CD96: variants seen among roughly 807,000 people sequenced by gnomAD.
CD96 encodes the protein CD96 molecule.
In CD96, 70 loss-of-function variants were observed where a neutral mutation model predicts 71.3. The observed-to-expected ratio is 0.98, with a 90% CI of 0.81 to 1.20. The LOEUF (loss-of-function observed/expected upper bound fraction) is 1.20, where lower values mean the gene tolerates loss of function less well. Ranked by LOEUF, CD96 falls within the 50% of genes most tolerant of loss-of-function variation. The probability of loss-of-function intolerance (pLI) is 0.00; values close to 1 mark genes in which losing one functional copy is unlikely to be tolerated. For synonymous variants in CD96, 248 were observed against 233.0 expected, an observed-to-expected ratio of 1.06 and a Z score of -0.59; for missense variants, 742 against 677.5, an observed-to-expected ratio of 1.10 and a Z score of -1.06.
At position 111,613,921 on chromosome 3, in the gene CD96, C is replaced by T. The variant is rs549308505; in HGVS notation, c.1180+7129C>T. On this transcript the variant is annotated intron_variant, in intron 8 of 13. Coordinates refer to ENST00000352690, the MANE Select transcript of CD96 (RefSeq NM_005816.5). ...ACTTGGTTGATTAAATAAGCTAAAC[C>T]GGTAGGTTAGCAAAGAATAATTTTT... 8.1e-4 allele frequency among the ~76,000 whole-genome samples: 123 copies of T among 152,202 alleles called. 1 individual carries two copies. The highest frequency in any genetic ancestry group is 2.7e-3 in the African/African-American group (114 of 41,518).
chr3:111,623,708 G>A (rs532382504), intron 8 of CD96, 46 bp from the exon 9 acceptor site: 21 of 1,186,356 alleles, frequency 1.8e-5, no homozygotes, highest in South Asian at 1.7e-4. Flanking sequence ...TTAAACATAC[G>A]AATGTAAATA....
intron 14 of CD96, among the ~76,000 whole-genome samples, chr3:111,664,061 T>C (rs183660978): frequency 2.0e-5 from 3 of 152,320 alleles, no homozygotes; most frequent in African/African-American, 7.2e-5. Context: ...CTTATACACT[T>C]CTGGTGGGAA....
intron 3 of CD96, chr3:111,571,179 G>C: frequency 3.5e-6 from 2 of 564,738 alleles, no homozygotes; most frequent in East Asian, 5.6e-5. Context: ...TTCTTGCCTG[G>C]AGTAAGAGTT....
chr3:111,564,660 C>T (rs1559723123), intron 2 of CD96, among the ~76,000 whole-genome samples: 2 of 152,016 alleles, frequency 1.3e-5, no homozygotes, highest in Non-Finnish European at 2.9e-5. Context: ...AATATGCTCT[C>T]ATTGTTGTAG....
intron 3 of CD96, among the ~76,000 whole-genome samples, chr3:111,568,748 C>T (rs1196040296): frequency 6.6e-6 from 1 of 152,072 alleles, no homozygotes; most frequent in African/African-American, 2.4e-5. Flanking sequence ...ACAAAATCAA[C>T]ATGAGGATAA....
chr3:111,626,255 C>G (rs1377261613), intron 10 of CD96, among the ~76,000 whole-genome samples: 1 of 125,246 alleles, frequency 8.0e-6, no homozygotes, highest in Non-Finnish European at 1.6e-5. Flanking sequence ...GAGCCAAGAT[C>G]GAGATTGCGC....
At chr3:111,607,822 A>G (rs1937696972) in intron 8 of CD96, among the ~76,000 whole-genome samples, 1 of 152,000 alleles carries the variant, frequency 6.6e-6, no homozygotes, top group African/African-American at 2.4e-5. Context: ...ATGTTTTGTA[A>G]TTTTTCTTTT....
chr3:111,552,160 ATTTG>A (rs1280888794), intron 2 of CD96, among the ~76,000 whole-genome samples: 1 of 151,802 alleles, frequency 6.6e-6, no homozygotes, highest in East Asian at 1.9e-4. Flanking sequence ...TTTCTTGTAA[ATTTG>A]TTTAAGTTCC....
intron 3 of CD96, among the ~76,000 whole-genome samples, chr3:111,576,974 C>T (rs149139101): frequency 9.9e-5 from 15 of 152,200 alleles, no homozygotes; most frequent in East Asian, 7.7e-4. Flanking sequence ...TTGTAGGTTA[C>T]GGGGCATTCT....
chr3:111,634,449 A>G (rs1559769588), intron 10 of CD96: 1 of 152,724 alleles, frequency 6.5e-6, no homozygotes, highest in Non-Finnish European at 1.5e-5. Context: ...AGAGAAGTTT[A>G]TCAGTCAAGC....
chr3:111,547,424 T>A (rs149353243), intron 2 of CD96, among the ~76,000 whole-genome samples: 1,973 of 151,878 alleles, frequency 0.013, 16 homozygotes, highest in Middle Eastern at 0.038. Flanking sequence ...TAGTTTTTTT[T>A]GTACATTCTG....
At chr3:111,585,271 G>A in intron 4 of CD96, 52 bp from the exon 5 acceptor site, 1 of 1,050,390 alleles carries the variant, frequency 9.5e-7, no homozygotes, top group Non-Finnish European at 1.5e-6. Context: ...CACACTAGTG[G>A]CCAGGTAGGA....
chr3:111,617,179 T>G (rs905695964), intron 8 of CD96, among the ~76,000 whole-genome samples: 1 of 152,192 alleles, frequency 6.6e-6, no homozygotes, highest in Non-Finnish European at 1.5e-5. Context: ...AGGTGCCATT[T>G]GGTGCAAACA....
At chr3:111,562,182 G>A (rs1308752866) in intron 2 of CD96, among the ~76,000 whole-genome samples, 1 of 152,200 alleles carries the variant, frequency 6.6e-6, no homozygotes, top group African/African-American at 2.4e-5. Context: ...CGTCGCTCAC[G>A]TTGGGAGCTG....
At chr3:111,596,917 C>A (rs1359496686) in intron 5 of CD96, among the ~76,000 whole-genome samples, 4 of 152,144 alleles carry the variant, frequency 2.6e-5, no homozygotes, top group Non-Finnish European at 4.4e-5. Flanking sequence ...GCTAGACAAC[C>A]CCCTCTGAAA....
intron 2 of CD96, among the ~76,000 whole-genome samples, chr3:111,550,538 TA>T (rs1934645691): frequency 6.6e-6 from 1 of 151,706 alleles, no homozygotes; most frequent in Admixed American, 6.6e-5. Context: ...CCAAGGTTTC[TA>T]AGAAAATGGG....
At chr3:111,574,110 G>C (rs2107568477) in intron 3 of CD96, among the ~76,000 whole-genome samples, 1 of 152,304 alleles carries the variant, frequency 6.6e-6, no homozygotes, top group Non-Finnish European at 1.5e-5. Flanking sequence ...ACAGTTAACA[G>C]CAGTTATTGA....
In CD96 at chr3:111,600,716, T is replaced by C; in HGVS notation, c.899-10T>C. 1 of 1,595,968 alleles carries C rather than the reference T, an allele frequency of 6.3e-7. No individual in the cohort carries two copies. The highest frequency in any genetic ancestry group is 8.6e-7 in the Non-Finnish European group (1 of 1,163,518). The stretch of plus-strand genomic sequence containing the variant: ...GTTAGTGTTGAACCATGTTCGTATC[T>C]GTCTGGCAGGAATATATATTACTAA... On this transcript the variant is annotated splice_polypyrimidine_tract_variant and intron_variant, in intron 6 of 13. Transcript: ENST00000352690.
chr3:111,645,196 A>G (rs1260703890), intron 12 of CD96, among the ~76,000 whole-genome samples: 2 of 152,176 alleles, frequency 1.3e-5, no homozygotes, highest in Non-Finnish European at 1.5e-5. Context: ...TAGCCATAAA[A>G]AGGAATGAAT....
Sources: gnomAD v4.1 joint callset for allele counts (sites outside exome capture counted in the v4.1 genomes callset) on GRCh38, gnomAD v4.1.1 for gene constraint, MANE v1.5 for transcripts, NCBI Gene and HGNC (gene_info 2026-07-23, HGNC 2026-07-21) for gene names.